The following KDM2A variants were observed in gnomAD, a reference collection of about 807,000 sequenced individuals.
KDM2A encodes the protein lysine-specific demethylase 2A.
A neutral mutation model predicts 137.3 loss-of-function variants in KDM2A; 3 were observed. The ratio of observed to expected loss-of-function variants is 0.02; its 90% CI spans 0.01 to 0.06. The LOEUF (loss-of-function observed/expected upper bound fraction) is 0.06, where lower values mean the gene tolerates loss of function less well. KDM2A is among the 10% of genes least tolerant of loss of function. The pLI is 1.00. For missense variants in KDM2A, 738 were observed against 1,510.6 expected, an observed-to-expected ratio of 0.49 and a Z score of 8.48; for synonymous variants, 512 against 541.5, an observed-to-expected ratio of 0.95 and a Z score of 0.76.
chr11:67,166,356 C>T (rs1856744743), intron 2 of KDM2A, among the ~76,000 whole-genome samples: 1 of 151,430 alleles, frequency 6.6e-6, no homozygotes, highest in Admixed American at 6.6e-5. Flanking sequence ...GGCTAATTTT[C>T]ACATTTTTTA....
At chr11:67,208,830 A>G (rs138747307) in intron 6 of KDM2A, among the ~76,000 whole-genome samples, 32 of 152,016 alleles carry the variant, frequency 2.1e-4, no homozygotes, top group African/African-American at 7.5e-4. Flanking sequence ...TGTAATCCCA[A>G]CACTTTGAGA....
chr11:67,249,993 G>C, intron 16 of KDM2A, 93 bp from the exon 17 acceptor site: 1 of 1,028,876 alleles, frequency 9.7e-7, no homozygotes. Flanking sequence ...TCTTCTCTCT[G>C]GTCCCCTGAG....
chr11:67,247,071 AT>A (rs1156333048), intron 15 of KDM2A, among the ~76,000 whole-genome samples: 3 of 16,782 alleles, frequency 1.8e-4, no homozygotes, highest in Non-Finnish European at 3.2e-4. Context: ...ATATATATAT[AT>A]TTTTTTTTTT....
At chr11:67,144,418 A>G (rs1467213659) in intron 2 of KDM2A, among the ~76,000 whole-genome samples, 2 of 150,014 alleles carry the variant, frequency 1.3e-5, no homozygotes. Context: ...ATGCCTGGCT[A>G]ATTTTGTATT....
At chr11:67,229,214 T>C (rs1276812556) in intron 11 of KDM2A, among the ~76,000 whole-genome samples, 4 of 152,188 alleles carry the variant, frequency 2.6e-5, no homozygotes, top group African/African-American at 9.7e-5. Flanking sequence ...GGTTCAAGGA[T>C]ATTTAAAAAC....
At chr11:67,228,393 C>T (rs979156119) in intron 11 of KDM2A, among the ~76,000 whole-genome samples, 3 of 152,058 alleles carry the variant, frequency 2.0e-5, no homozygotes, top group Non-Finnish European at 4.4e-5. Flanking sequence ...TACTTAGCTC[C>T]TCAAGAAGGA....
chr11:67,130,639 T>A (rs1291392676), intron 2 of KDM2A, among the ~76,000 whole-genome samples: 1 of 152,132 alleles, frequency 6.6e-6, no homozygotes, highest in Non-Finnish European at 1.5e-5. Flanking sequence ...CTTTCTATTT[T>A]GGGGGGGTAA....
At chr11:67,206,049 G>A (rs1421024950) in intron 5 of KDM2A, among the ~76,000 whole-genome samples, 3 of 152,088 alleles carry the variant, frequency 2.0e-5, no homozygotes, top group Admixed American at 6.6e-5. Context: ...CTTCACAGTG[G>A]CCCACAAGGT....
At chr11:67,235,656 C>G (rs1393683925) in intron 12 of KDM2A, among the ~76,000 whole-genome samples, 1 of 150,832 alleles carries the variant, frequency 6.6e-6, no homozygotes, top group African/African-American at 2.4e-5. Context: ...GAGTCTTGCT[C>G]TGTCACCTAG....
intron 10 of KDM2A, among the ~76,000 whole-genome samples, chr11:67,225,220 G>T (rs1285508176): frequency 6.6e-6 from 1 of 152,134 alleles, no homozygotes; most frequent in East Asian, 1.9e-4. Context: ...GAAAACAAAA[G>T]ATATCATTCT....
chr11:67,145,613 A>G (rs566687691), intron 2 of KDM2A, among the ~76,000 whole-genome samples: 2 of 152,156 alleles, frequency 1.3e-5, no homozygotes, highest in Non-Finnish European at 1.5e-5. Context: ...ACGTTATACT[A>G]CTAAGCAGTA....
intron 2 of KDM2A, among the ~76,000 whole-genome samples, chr11:67,172,695 T>C (rs926608326): frequency 6.6e-6 from 1 of 152,006 alleles, no homozygotes; most frequent in African/African-American, 2.4e-5. Flanking sequence ...AATTTGTGAA[T>C]AGATGTAGTT....
At chr11:67,152,379 G>A (rs1856412151) in intron 2 of KDM2A, among the ~76,000 whole-genome samples, 1 of 152,004 alleles carries the variant, frequency 6.6e-6, no homozygotes, top group Non-Finnish European at 1.5e-5. Context: ...TATTTTGCGA[G>A]GCTGAGGTTG....
chr11:67,217,969 A>C (rs1858221606), intron 9 of KDM2A, 85 bp downstream of exon 9: 15 of 1,202,928 alleles, frequency 1.2e-5, no homozygotes, highest in Non-Finnish European at 1.7e-5. Context: ...AAGAATAGTT[A>C]TGATGCTGGG....
intron 11 of KDM2A, 109 bp downstream of exon 11, chr11:67,228,272 C>A: frequency 8.1e-7 from 1 of 1,241,678 alleles, no homozygotes; most frequent in Non-Finnish European, 1.1e-6. Flanking sequence ...TTTAATTCAT[C>A]TACTTGGAAG....
chr11:67,255,491 T>C lies in KDM2A; in HGVS notation c.*436T>C. ...TGTCTCCATGGCCAGGTTCTTGTGG[T>C]GTCCAGTGCGCGTCTCTCCTCCATC... On this transcript the variant is annotated 3_prime_UTR_variant, in exon 21 of 21. Coordinates refer to ENST00000529006, the MANE Select transcript of KDM2A (RefSeq NM_012308.3). 1 of 458,062 alleles carries C rather than the reference T, an allele frequency of 2.2e-6. No homozygotes were observed. Among genetic ancestry groups the C allele is most frequent in the Non-Finnish European group, 4.4e-6 (1 of 227,948 alleles). 28.4% of individuals were successfully genotyped at this position (458,062 alleles called of 1,614,324 possible).
At chr11:67,187,687 C>T (rs1857242725) in intron 5 of KDM2A, among the ~76,000 whole-genome samples, 1 of 152,054 alleles carries the variant, frequency 6.6e-6, no homozygotes, top group Non-Finnish European at 1.5e-5. Flanking sequence ...GATTCTCCTG[C>T]CTCAGCCTCC....
At chr11:67,151,981 A>AT (rs1856402024) in intron 2 of KDM2A, among the ~76,000 whole-genome samples, 1 of 152,096 alleles carries the variant, frequency 6.6e-6, no homozygotes, top group Non-Finnish European at 1.5e-5. Context: ...TATTGATTAC[A>AT]TTTGAAGTGA....
chr11:67,177,315 T>G (rs1418747781), intron 2 of KDM2A, among the ~76,000 whole-genome samples: 4 of 152,124 alleles, frequency 2.6e-5, no homozygotes, highest in African/African-American at 9.7e-5. Flanking sequence ...GTCTGTAACT[T>G]TTTAACTTTA....
Sources: gnomAD v4.1 joint callset for allele counts (sites outside exome capture counted in the v4.1 genomes callset) on GRCh38, gnomAD v4.1.1 for gene constraint, MANE v1.5 for transcripts, NCBI Gene and HGNC (gene_info 2026-07-23, HGNC 2026-07-21) for gene names.